The following MPG variants were observed in gnomAD, a reference collection of about 807,000 sequenced individuals.
MPG encodes the protein DNA-3-methyladenine glycosylase.
MPG carries 33 observed loss-of-function variants against 31.7 expected under a neutral mutation model. The observed-to-expected ratio is 1.04, with a 90% CI of 0.79 to 1.39. The LOEUF (loss-of-function observed/expected upper bound fraction) is 1.39. Ranked by LOEUF, MPG falls within the 40% of genes most tolerant of loss-of-function variation. MPG has a pLI of 0.00. For missense variants in MPG, 455 were observed against 415.5 expected, an observed-to-expected ratio of 1.10 and a Z score of -0.83; for synonymous variants, 202 against 169.2, an observed-to-expected ratio of 1.19 and a Z score of -1.51.
rs760278233 is a variant in MPG at position 85,456 on chromosome 16, C to T, written c.561C>T (p.Thr187=). Residue 187 remains threonine, a synonymous_variant, in exon 4 of 4, where the codon ACC becomes ACT. Coordinates refer to ENST00000356432, the MANE Select transcript of MPG (RefSeq NM_001015052.3). ...RALEPLEGLE[T]MRQLRSTLRK... is the part of the protein sequence containing the mutation. ...TGGAGCCCCTGGAAGGTCTGGAGACCATGCGTCAGCTTCGCAGCACCCTCC... is the reference window on the plus strand; with the variant it reads ...TGGAGCCCCTGGAAGGTCTGGAGACTATGCGTCAGCTTCGCAGCACCCTCC... 1 of 1,612,982 alleles carries T rather than the reference C, an allele frequency of 6.2e-7. No individual in the cohort carries two copies. Among genetic ancestry groups the T allele is most frequent in the Admixed American group, 1.7e-5 (1 of 60,014 alleles).
intron 2 of MPG, among the ~76,000 whole-genome samples, chr16:80,199 G>A (rs1283436523): frequency 6.6e-6 from 1 of 152,214 alleles, no homozygotes; most frequent in East Asian, 1.9e-4. Flanking sequence ...TGGGGCCTAC[G>A]GTGCAGCCTG....
chr16:79,296 G>T, intron 1 of MPG, 129 bp from the exon 2 acceptor site: 1 of 1,590,708 alleles, frequency 6.3e-7, no homozygotes, highest in Non-Finnish European at 8.6e-7. Context: ...CCACAGGATG[G>T]TCACCCCCGC....
intron 2 of MPG, among the ~76,000 whole-genome samples, chr16:81,740 C>CCG (rs1898244304): frequency 1.1e-5 from 1 of 93,438 alleles, no homozygotes; most frequent in Non-Finnish European, 2.2e-5. Context: ...GAATGCTCCC[C>CCG]ACACTGACCC....
chr16:77,532 T>TC (rs1205840909), upstream of MPG, among the ~76,000 whole-genome samples: 2 of 152,172 alleles, frequency 1.3e-5, no homozygotes, highest in Non-Finnish European at 1.5e-5. Context: ...GGCCTCGGCC[T>TC]CTAGAGGAGG....
chr16:78,370 C>T (rs1404850716), intron 1 of MPG, 37 bp downstream of exon 1: 1 of 1,199,632 alleles, frequency 8.3e-7, no homozygotes, highest in Non-Finnish European at 1.0e-6. Context: ...GGAACAGACG[C>T]GCCCACCCCC....
At chr16:85,354 GGACA>G (rs1198244531) in intron 3 of MPG, 43 bp from the exon 4 acceptor site, 62 of 1,545,094 alleles carry the variant, frequency 4.0e-5, no homozygotes, top group Non-Finnish European at 5.4e-5. Flanking sequence ...AGGGCAGAGA[GGACA>G]GGAGCCTAGG....
chr16:83,848 T>C lies in MPG; in HGVS notation c.505+592T>C, dbSNP rs143170721. Among the ~76,000 whole-genome samples the C allele has an allele frequency of 5.6e-4, 85 of 151,440 alleles. 1 individual carries two copies. The East Asian group carries it at 0.016, about 29-fold the overall frequency. On this transcript the variant is annotated intron_variant, in intron 3 of 3. Transcript: ENST00000356432. The stretch of plus-strand genomic sequence containing the variant: ...CCTTGACGGAGGCAGCACATGAGGA[T>C]GAGAAGCTGATTGGAGAAGAGGATG...
At chr16:84,747 G>C (rs1005334681) in intron 3 of MPG, among the ~76,000 whole-genome samples, 2 of 152,122 alleles carry the variant, frequency 1.3e-5, no homozygotes, top group Admixed American at 6.5e-5. Flanking sequence ...AGGGGGCTTT[G>C]TCAGCCTCCT....
intron 1 of MPG, 124 bp downstream of exon 1, chr16:78,457 G>A (rs1898151364): frequency 2.3e-6 from 2 of 888,370 alleles, no homozygotes; most frequent in Non-Finnish European, 2.9e-6. Context: ...GAGGGTTCGG[G>A]GCAGAGCCAG....
In MPG at chr16:83,273, C is replaced by T. The variant is rs911927851; in HGVS notation, c.505+17C>T. 7 of 1,600,634 alleles carry T rather than the reference C, an allele frequency of 4.4e-6. No homozygotes were observed. The highest frequency in any genetic ancestry group is 2.2e-5 in the South Asian group (2 of 90,404). ...CCAGCCAGGGTGAGCAGTGCTGGGG[C>T]ACGGGGGGTTGGAGGGCCGGCAGAG... On this transcript the variant is annotated intron_variant, in intron 3 of 3. Coordinates refer to ENST00000356432, the MANE Select transcript of MPG (RefSeq NM_001015052.3).
intron 1 of MPG, 125 bp downstream of exon 1, chr16:78,458 G>GT (rs1898151483): frequency 4.5e-6 from 4 of 887,076 alleles, no homozygotes; most frequent in Non-Finnish European, 5.7e-6. Flanking sequence ...AGGGTTCGGG[G>GT]CAGAGCCAGA....
chr16:83,765 A>T (rs1283340212), intron 3 of MPG, among the ~76,000 whole-genome samples: 1 of 151,718 alleles, frequency 6.6e-6, no homozygotes, highest in African/African-American at 2.4e-5. Context: ...AGGAAAGGAA[A>T]AGAAAGGGTT....
intron 3 of MPG, 65 bp from the exon 4 acceptor site, chr16:85,336 T>C: frequency 6.6e-7 from 1 of 1,503,806 alleles, no homozygotes; most frequent in South Asian, 1.3e-5. Flanking sequence ...GATGTCTGGA[T>C]GTGTACTAGG....
rs760777651 is a variant in MPG at position 79,431 on chromosome 16, C to T, written c.31C>T (p.Arg11Ter). 2.2e-5 allele frequency: 35 copies of T among 1,613,174 alleles called. No individual in the cohort carries two copies. The highest frequency in any genetic ancestry group is 3.3e-5 in the Admixed American group (2 of 60,006). Reference protein sequence around the residue: MPARSGAQFCRRMGQKKQRPA... With the variant: MPARSGAQFC ...ATTTTTTTTCCCATTACAGTTTTGC[C>T]GACGGATGGGGCAAAAGAAGCAGCG... Residue 11 changes from arginine (R) to a stop codon, truncating the protein, a stop_gained, in exon 2 of 4, where the codon CGA becomes TGA. Coordinates refer to ENST00000356432, the MANE Select transcript of MPG (RefSeq NM_001015052.3). LOFTEE classifies it high-confidence loss of function.
At chr16:83,840 CAT>C (rs1479287507) in intron 3 of MPG, among the ~76,000 whole-genome samples, 1 of 151,830 alleles carries the variant, frequency 6.6e-6, no homozygotes, top group Non-Finnish European at 1.5e-5. Context: ...GGAGGCAGCA[CAT>C]GAGGATGAGA....
chr16:85,533 C>A lies in MPG; in HGVS notation c.638C>A (p.Pro213His), dbSNP rs748478874. The change falls in exon 4 of 4, where the codon CCC becomes CAC. Residue 213 changes from proline (P) to histidine (H), a missense_variant. Transcript: ENST00000356432. ...AAGGACCGCGAGCTCTGCAGTGGCCCCTCCAAGCTGTGCCAGGCCCTGGCC... is the reference window on the plus strand; with the variant it reads ...AAGGACCGCGAGCTCTGCAGTGGCCACTCCAAGCTGTGCCAGGCCCTGGCC... ...VLKDRELCSG[P>H]SKLCQALAIN... 6.2e-7 allele frequency: 1 copy of A among 1,613,412 alleles called. No homozygotes were observed. Among genetic ancestry groups the A allele is most frequent in the Non-Finnish European group, 8.5e-7 (1 of 1,180,038 alleles).
intron 3 of MPG, among the ~76,000 whole-genome samples, chr16:83,660 G>T (rs1898322064): frequency 1.3e-5 from 2 of 151,518 alleles, no homozygotes; most frequent in Admixed American, 1.3e-4. Flanking sequence ...AGAATCGCTT[G>T]AACCCGGGAG....
chr16:85,789 G>T lies in MPG; in HGVS notation c.*12G>T. The T allele has an allele frequency of 6.8e-7, 1 of 1,468,224 alleles. No homozygotes were observed. Among genetic ancestry groups the T allele is most frequent in the Non-Finnish European group, 9.0e-7 (1 of 1,107,968 alleles). The allele number at this position is 1,468,224 out of a possible 1,614,324, so 90.9% of individuals were successfully genotyped here. On this transcript the variant is annotated 3_prime_UTR_variant, in exon 4 of 4. Coordinates refer to ENST00000356432, the MANE Select transcript of MPG (RefSeq NM_001015052.3). ...ACACACAGGCCTGAGCAAAGGGCCT[G>T]CCCAGACAAGATTTTTTAATTGTTT...
upstream of MPG, chr16:77,995 C>A (rs1313426201): frequency 4.2e-6 from 1 of 240,408 alleles, no homozygotes; most frequent in Non-Finnish European, 8.0e-6. Context: ...TTGGGAGGGG[C>A]GCCGGGGCAC....
Sources: allele counts gnomAD v4.1 joint callset (sites outside exome capture counted in the v4.1 genomes callset), GRCh38; gene constraint gnomAD v4.1.1; transcripts MANE v1.5; gene names NCBI Gene and HGNC (gene_info 2026-07-23, HGNC 2026-07-21).